The following SYT17 variants were observed in gnomAD, a reference collection of about 807,000 sequenced individuals.
The protein encoded by SYT17 is synaptotagmin-17.
A neutral mutation model predicts 46.7 loss-of-function variants in SYT17; 22 were observed. The ratio of observed to expected loss-of-function variants is 0.47; its 90% CI spans 0.34 to 0.67. SYT17 has a LOEUF of 0.67. Ranked by LOEUF, SYT17 falls within the 30% of genes least tolerant of loss-of-function variation. The pLI is 0.01. For synonymous variants in SYT17, 251 were observed against 248.4 expected, an observed-to-expected ratio of 1.01 and a Z score of -0.10; for missense variants, 519 against 612.8, an observed-to-expected ratio of 0.85 and a Z score of 1.62.
intron 3 of SYT17, among the ~76,000 whole-genome samples, chr16:19,179,173 G>T (rs1251342635): frequency 6.6e-6 from 1 of 152,092 alleles, no homozygotes; most frequent in Non-Finnish European, 1.5e-5. Flanking sequence ...TGTCACCCAG[G>T]CTGGAGTACA....
At chr16:19,185,780 C>T (rs1964762263) in intron 5 of SYT17, among the ~76,000 whole-genome samples, 1 of 152,210 alleles carries the variant, frequency 6.6e-6, no homozygotes, top group Non-Finnish European at 1.5e-5. Context: ...CAGCGAGGGC[C>T]TGGCGGGTGG....
At chr16:19,181,420 G>A (rs1341329013) in intron 4 of SYT17, among the ~76,000 whole-genome samples, 3 of 152,022 alleles carry the variant, frequency 2.0e-5, no homozygotes, top group Admixed American at 2.0e-4. Flanking sequence ...ATCCATTCAG[G>A]TGGAGATCAT....
intron 6 of SYT17, among the ~76,000 whole-genome samples, chr16:19,223,980 T>C (rs546715326): frequency 1.1e-4 from 17 of 152,354 alleles, no homozygotes; most frequent in African/African-American, 4.1e-4. Flanking sequence ...TTAACCACTA[T>C]GTGCCTCAAT....
At chr16:19,202,929 G>T (rs985504346) in intron 5 of SYT17, among the ~76,000 whole-genome samples, 1 of 152,010 alleles carries the variant, frequency 6.6e-6, no homozygotes, top group Non-Finnish European at 1.5e-5. Flanking sequence ...GGTTGCCCAG[G>T]CTGATCTCAA....
chr16:19,231,688 G>C (rs961417133), intron 7 of SYT17, among the ~76,000 whole-genome samples: 7 of 152,182 alleles, frequency 4.6e-5, no homozygotes, highest in South Asian at 2.1e-4. Flanking sequence ...GAGGTGGGAG[G>C]GGGTGGGACC....
At chr16:19,184,764 G>A (rs1964715939) in intron 5 of SYT17, among the ~76,000 whole-genome samples, 1 of 152,134 alleles carries the variant, frequency 6.6e-6, no homozygotes, top group African/African-American at 2.4e-5. Flanking sequence ...TATTTAATAA[G>A]GAGAATGATT....
chr16:19,253,814 G>T (rs947748845), intron 7 of SYT17, among the ~76,000 whole-genome samples: 20 of 151,934 alleles, frequency 1.3e-4, no homozygotes, highest in African/African-American at 2.9e-4. Flanking sequence ...TGTAACCTCT[G>T]TCTCCTGGGT....
intron 7 of SYT17, among the ~76,000 whole-genome samples, chr16:19,231,802 G>A (rs1392600391): frequency 1.3e-5 from 2 of 152,216 alleles, no homozygotes; most frequent in African/African-American, 2.4e-5. Flanking sequence ...GTATTCGACA[G>A]AGAACCAGAC....
chr16:19,251,664 A>C (rs1968079564), intron 7 of SYT17, among the ~76,000 whole-genome samples: 1 of 152,136 alleles, frequency 6.6e-6, no homozygotes, highest in African/African-American at 2.4e-5. Context: ...GGAGGAAGCC[A>C]CCAGGGTGGG....
intron 5 of SYT17, among the ~76,000 whole-genome samples, chr16:19,213,082 G>A (rs1299950215): frequency 1.3e-5 from 2 of 152,168 alleles, no homozygotes; most frequent in East Asian, 3.9e-4. Flanking sequence ...TTCAATCATA[G>A]CTTACTAAAG....
At chr16:19,190,561 C>T (rs1463006794) in intron 5 of SYT17, among the ~76,000 whole-genome samples, 1 of 152,104 alleles carries the variant, frequency 6.6e-6, no homozygotes, top group East Asian at 1.9e-4. Flanking sequence ...ATCAATAACT[C>T]CCCATCTCCC....
chr16:19,168,319 A>T lies in SYT17; in HGVS notation c.-328A>T. 1 of 361,750 alleles carries T rather than the reference A, an allele frequency of 2.8e-6. No individual in the cohort carries two copies. The highest frequency in any genetic ancestry group is 5.1e-5 in the Admixed American group (1 of 19,450). 22.4% of individuals were successfully genotyped at this position (361,750 alleles called of 1,614,324 possible). ...CGCAGCTGCCCCGGGCTGCTTGCCC[A>T]GGCGCCCCGGCCTTATTCCAGCCTG... On this transcript the variant is annotated 5_prime_UTR_variant, in exon 1 of 8. Coordinates refer to ENST00000355377, the MANE Select transcript of SYT17 (RefSeq NM_016524.4). This position sits in a 1 kb window ranked among gnomAD's most constrained non-coding sequence, Gnocchi z 6.9.
chr16:19,190,002 T>G (rs1296839992), intron 5 of SYT17, among the ~76,000 whole-genome samples: 2 of 152,224 alleles, frequency 1.3e-5, no homozygotes, highest in African/African-American at 2.4e-5. Flanking sequence ...ATGGCATTTT[T>G]GGGGTCTCAG....
intron 7 of SYT17, among the ~76,000 whole-genome samples, chr16:19,243,235 C>T (rs1428884842): frequency 2.6e-5 from 4 of 152,174 alleles, no homozygotes; most frequent in Non-Finnish European, 1.5e-5. Flanking sequence ...CAGATGCCTA[C>T]ACTGGCCACA....
chr16:19,234,380 C>T (rs1258764810), intron 7 of SYT17, among the ~76,000 whole-genome samples: 3 of 152,112 alleles, frequency 2.0e-5, no homozygotes, highest in African/African-American at 7.2e-5. Context: ...AGTGTATGGG[C>T]ATCGGGCAAA....
chr16:19,247,029 G>C (rs1967627295), intron 7 of SYT17, among the ~76,000 whole-genome samples: 1 of 152,192 alleles, frequency 6.6e-6, no homozygotes, highest in South Asian at 2.1e-4. Flanking sequence ...CAGGGGGAAG[G>C]TGACCTTTGA....
At chr16:19,203,361 G>T (rs1200455526) in intron 5 of SYT17, among the ~76,000 whole-genome samples, 3 of 151,616 alleles carry the variant, frequency 2.0e-5, no homozygotes, top group African/African-American at 7.3e-5. Flanking sequence ...GCTGGGCGTG[G>T]TGGTGCATGC....
intron 7 of SYT17, among the ~76,000 whole-genome samples, chr16:19,230,363 C>T (rs563364643): frequency 1.0e-3 from 156 of 151,322 alleles, no homozygotes; most frequent in African/African-American, 3.7e-3. Flanking sequence ...GCCGAGATCA[C>T]GCCATTGCAC....
chr16:19,226,796 C>A (rs1966512665), intron 7 of SYT17, among the ~76,000 whole-genome samples: 1 of 152,160 alleles, frequency 6.6e-6, no homozygotes, highest in Non-Finnish European at 1.5e-5. Context: ...GAATAAGGGA[C>A]CTCCTATTGT....
Sources: allele counts gnomAD v4.1 joint callset (sites outside exome capture counted in the v4.1 genomes callset), GRCh38; gene constraint gnomAD v4.1.1; non-coding constraint Gnocchi (gnomAD v3.1); transcripts MANE v1.5; gene names NCBI Gene and HGNC (gene_info 2026-07-23, HGNC 2026-07-21).